The following MTM1 variants were observed in gnomAD, a reference collection of about 807,000 sequenced individuals.
The protein encoded by MTM1 is myotubularin.
A neutral mutation model predicts 52.1 loss-of-function variants in MTM1; 9 were observed. The ratio of observed to expected loss-of-function variants is 0.17; its 90% CI spans 0.10 to 0.30. The LOEUF is 0.30. Among genes scored for constraint, MTM1 ranks in the 10% least tolerant of loss-of-function variants. The pLI is 1.00. For missense variants in MTM1, 277 were observed against 470.7 expected, an observed-to-expected ratio of 0.59 and a Z score of 3.81; for synonymous variants, 136 against 163.8, an observed-to-expected ratio of 0.83 and a Z score of 1.29.
intron 7 of MTM1, 48 bp downstream of exon 7, chrX:150,639,074 G>A: frequency 1.0e-6 from 1 of 963,299 alleles, no homozygotes; most frequent in Non-Finnish European, 1.5e-6. Flanking sequence ...CCTGAAACAT[G>A]CATTATGACA....
chrX:150,612,190 C>CAAA, intron 4 of MTM1, among the ~76,000 whole-genome samples: 1 of 83,696 alleles, frequency 1.2e-5, no homozygotes, highest in African/African-American at 4.3e-5. Context: ...GGTCCTGTCT[C>CAAA]AAAAAAAAAA....
At chrX:150,573,372 G>T (rs1204070332) in intron 1 of MTM1, among the ~76,000 whole-genome samples, 1 of 112,458 alleles carries the variant, frequency 8.9e-6, no homozygotes, top group Non-Finnish European at 1.9e-5. Flanking sequence ...TGCTTTGCTT[G>T]CTAGTATGTT....
At chrX:150,604,438 T>A (rs1428772251) in intron 4 of MTM1, among the ~76,000 whole-genome samples, 1 of 111,523 alleles carries the variant, frequency 9.0e-6, no homozygotes, top group Non-Finnish European at 1.9e-5. Context: ...CTTTCCTTAC[T>A]GCCTGCTGGA....
chrX:150,601,000 G>A (rs1478008618), intron 4 of MTM1, among the ~76,000 whole-genome samples: 2 of 111,775 alleles, frequency 1.8e-5, no homozygotes, highest in African/African-American at 6.5e-5. Flanking sequence ...TACACCAAAG[G>A]TTTCAGTATT....
chrX:150,660,334 C>A, intron 12 of MTM1, 37 bp from the exon 13 acceptor site: 1 of 862,872 alleles, frequency 1.2e-6, no homozygotes, highest in South Asian at 2.0e-5. Flanking sequence ...AGTTTCAGTC[C>A]CAGTTTTTCA....
intron 1 of MTM1, among the ~76,000 whole-genome samples, chrX:150,584,913 TTATTTG>T (rs1174964705): frequency 1.8e-5 from 2 of 111,967 alleles, no homozygotes; most frequent in African/African-American, 6.5e-5. Context: ...TCTATTTGTA[TTATTTG>T]TATTTGTATT....
chrX:150,649,416 G>T (rs2039984393), intron 9 of MTM1, among the ~76,000 whole-genome samples: 1 of 112,421 alleles, frequency 8.9e-6, no homozygotes, highest in African/African-American at 3.2e-5. Context: ...TTCACAACCT[G>T]CTTTTGCCTT....
At chrX:150,638,557 A>G (rs2039791442) in intron 6 of MTM1, among the ~76,000 whole-genome samples, 1 of 111,951 alleles carries the variant, frequency 8.9e-6, no homozygotes. Context: ...GCACCGTTTA[A>G]CAATAATTCC....
At chrX:150,631,912 A>G (rs1405549341) in intron 6 of MTM1, among the ~76,000 whole-genome samples, 3 of 111,564 alleles carry the variant, frequency 2.7e-5, no homozygotes, top group Admixed American at 9.5e-5. Flanking sequence ...TTTTATTTCT[A>G]AGAGGTTCTC....
Position 150,583,535 on chromosome X carries a change from TATA to T in MTM1, c.-10-9069_-10-9067del, listed in dbSNP as rs1201958836. ...TAATTTATATATATTATATATAAAT[TATA>T]TATATTATACATAATTTATATATAA... On this transcript the variant is annotated intron_variant, in intron 1 of 14. Coordinates refer to ENST00000370396, the MANE Select transcript of MTM1 (RefSeq NM_000252.3). Among the ~76,000 whole-genome samples, 110 of 29,067 alleles carry T rather than the reference TATA, an allele frequency of 3.8e-3. 13 individuals are homozygous for T. The highest frequency in any genetic ancestry group is 5.9e-3 in the Admixed American group (7 of 1,194). 25.2% of individuals were successfully genotyped at this position (29,067 alleles called of 115,157 possible). A position where few individuals can be genotyped will look rare whatever the true frequency, so the allele number is the denominator to read the frequency against.
intron 1 of MTM1, among the ~76,000 whole-genome samples, chrX:150,579,334 A>G (rs893015714): frequency 9.9e-5 from 11 of 111,351 alleles, no homozygotes; most frequent in African/African-American, 3.6e-4. Flanking sequence ...GATTACAGGC[A>G]TGAGCCACCA....
chrX:150,578,976 G>A (rs2038524178), intron 1 of MTM1, among the ~76,000 whole-genome samples: 1 of 110,002 alleles, frequency 9.1e-6, no homozygotes, highest in South Asian at 3.9e-4. Flanking sequence ...ATGACAATTA[G>A]GAGTCTTTGA....
intron 2 of MTM1, among the ~76,000 whole-genome samples, chrX:150,595,422 TGCACCACTGTTGCCTG>T (rs1397289775): frequency 8.9e-6 from 1 of 111,827 alleles, no homozygotes; most frequent in Admixed American, 9.5e-5. Context: ...AAGCCAAGAT[TGCACCACTGTTGCCTG>T]GCAACAGAGC....
At chrX:150,634,013 C>T (rs1413109926) in intron 6 of MTM1, among the ~76,000 whole-genome samples, 1 of 112,384 alleles carries the variant, frequency 8.9e-6, no homozygotes, top group African/African-American at 3.2e-5. Flanking sequence ...CCAGCGTGGG[C>T]GATAGAGCCA....
intron 7 of MTM1, among the ~76,000 whole-genome samples, chrX:150,640,179 G>T (rs1229516570): frequency 3.6e-5 from 4 of 111,758 alleles, no homozygotes; most frequent in African/African-American, 9.8e-5. Context: ...CTCTGTAAAT[G>T]ATGTATTAAA....
rs150558626 is a variant in MTM1, at chrX:150,595,738, G to A, written c.64-760G>A. On this transcript the variant is annotated intron_variant, in intron 2 of 14. Coordinates refer to ENST00000370396, the MANE Select transcript of MTM1 (RefSeq NM_000252.3). ...ACAATGGGTAGCTATGGCAAATTAGGCTCTGCGAACTCGCCTGCAGGTTGT... is the reference window on the plus strand; with the variant it reads ...ACAATGGGTAGCTATGGCAAATTAGACTCTGCGAACTCGCCTGCAGGTTGT... Among the ~76,000 whole-genome samples the A allele has an allele frequency of 1.1e-4, 12 of 112,661 alleles. No individual in the cohort carries two copies. In the East Asian group the frequency reaches 3.4e-3, roughly 31 times the overall value.
At chrX:150,635,749 A>G (rs1174463056) in intron 6 of MTM1, among the ~76,000 whole-genome samples, 4 of 112,362 alleles carry the variant, frequency 3.6e-5, no homozygotes, top group African/African-American at 1.3e-4. Flanking sequence ...AGTTCAGAAA[A>G]TGGTGGTATT....
intron 1 of MTM1, among the ~76,000 whole-genome samples, chrX:150,585,701 G>C (rs1349201708): frequency 8.9e-6 from 1 of 111,801 alleles, no homozygotes; most frequent in Admixed American, 9.5e-5. Context: ...TTTACTGGCA[G>C]GTATTTGACT....
At chrX:150,565,032 G>A (rs953687868), upstream of MTM1, among the ~76,000 whole-genome samples, 3 of 111,938 alleles carry the variant, frequency 2.7e-5, no homozygotes, top group Admixed American at 9.5e-5. Context: ...TTGGAGAGGT[G>A]TACTTGCCCG....
Sources: gnomAD v4.1 joint callset for allele counts (sites outside exome capture counted in the v4.1 genomes callset) on GRCh38, gnomAD v4.1.1 for gene constraint, MANE v1.5 for transcripts, NCBI Gene and HGNC (gene_info 2026-07-23, HGNC 2026-07-21) for gene names.